GRAMD1C: variants seen among roughly 807,000 people sequenced by gnomAD.
GRAMD1C encodes the protein GRAM domain containing 1C, also known as protein Aster-C.
GRAMD1C carries 89 observed loss-of-function variants against 97.8 expected under a neutral mutation model. That is an observed-to-expected ratio of 0.91 (90% confidence interval 0.77 to 1.09). The LOEUF is 1.09. GRAMD1C is among the 50% of genes least tolerant of loss of function. The pLI, the probability that GRAMD1C is intolerant of heterozygous loss-of-function variation, is 0.00. For missense variants in GRAMD1C, 740 were observed against 766.4 expected, an observed-to-expected ratio of 0.97 and a Z score of 0.41; for synonymous variants, 256 against 267.0, an observed-to-expected ratio of 0.96 and a Z score of 0.40.
chr3:113,919,149 G>C (rs1050136414), intron 10 of GRAMD1C: 1 of 234,294 alleles, frequency 4.3e-6, no homozygotes, highest in African/African-American at 2.3e-5. Context: ...GTGCTGAGCA[G>C]AAGGAGCTGG....
At chr3:113,898,480 C>G (rs1485713589) in intron 6 of GRAMD1C, among the ~76,000 whole-genome samples, 1 of 152,024 alleles carries the variant, frequency 6.6e-6, no homozygotes, top group Non-Finnish European at 1.5e-5. Flanking sequence ...AAGTTCACAA[C>G]AAATGACTCA....
chr3:113,852,306 A>G (rs1268641892), intron 2 of GRAMD1C, among the ~76,000 whole-genome samples: 2 of 152,196 alleles, frequency 1.3e-5, no homozygotes, highest in Non-Finnish European at 2.9e-5. Flanking sequence ...CTTATAAAGG[A>G]TATTTCAGAT....
chr3:113,880,415 C>T (rs566553394), intron 5 of GRAMD1C, among the ~76,000 whole-genome samples: 1 of 151,470 alleles, frequency 6.6e-6, no homozygotes, highest in South Asian at 2.1e-4. Context: ...TTCGGCTCTC[C>T]TTTTTTTTAA....
intron 3 of GRAMD1C, among the ~76,000 whole-genome samples, chr3:113,873,512 G>A (rs1444658230): frequency 6.6e-6 from 1 of 151,480 alleles, no homozygotes; most frequent in Non-Finnish European, 1.5e-5. Context: ...AGCACTATGT[G>A]TTTTTTATTT....
chr3:113,875,538 C>T lies in GRAMD1C; in HGVS notation c.314C>T (p.Ser105Leu). 6.4e-7 allele frequency: 1 copy of T among 1,556,674 alleles called. No homozygotes were observed. Among genetic ancestry groups the T allele is most frequent in the Non-Finnish European group, 8.9e-7 (1 of 1,126,904 alleles). ...DILLQGRLYL[S>L]ENWLCFYSNI... is the part of the protein sequence containing the mutation. The stretch of plus-strand genomic sequence containing the variant: ...TTGCTTCAGGGACGACTATACCTTT[C>T]AGAAAACTGGCTATGTTTCTATAGC... The change falls in exon 4 of 18, where the codon TCA (serine) becomes TTA (leucine). Residue 105 changes from serine to leucine, a missense_variant. Ser to Leu is a moderately radical substitution (Grantham distance 145). Coordinates refer to ENST00000358160, the MANE Select transcript of GRAMD1C (RefSeq NM_017577.5).
intron 5 of GRAMD1C, among the ~76,000 whole-genome samples, chr3:113,877,955 T>A (rs567555163): frequency 5.8e-4 from 89 of 152,242 alleles, no homozygotes; most frequent in African/African-American, 2.0e-3. Context: ...TCTTTTTGTA[T>A]TTTTAGTAGA....
chr3:113,838,570 C>G (rs1184483749), upstream of GRAMD1C: 1 of 244,452 alleles, frequency 4.1e-6, no homozygotes, highest in African/African-American at 2.4e-5. Context: ...AGCGAAACTC[C>G]GTCTCAAAAA....
intron 17 of GRAMD1C, among the ~76,000 whole-genome samples, chr3:113,942,979 G>C (rs756700055): frequency 6.6e-6 from 1 of 152,152 alleles, no homozygotes; most frequent in African/African-American, 2.4e-5. Context: ...CTGCTTTCCA[G>C]TTTCCAAAGT....
At chr3:113,842,190 T>G (rs1196141619) in intron 1 of GRAMD1C, among the ~76,000 whole-genome samples, 1 of 152,224 alleles carries the variant, frequency 6.6e-6, no homozygotes, top group Admixed American at 6.5e-5. Context: ...TTGTTGTCTA[T>G]TTTATGTTGA....
At chr3:113,927,317 G>A (rs183739743) in intron 10 of GRAMD1C, among the ~76,000 whole-genome samples, 3 of 152,254 alleles carry the variant, frequency 2.0e-5, no homozygotes, top group Admixed American at 2.0e-4. Context: ...CCCTTTGACT[G>A]GCTCTGTGCC....
At chr3:113,903,139 A>AT (rs201449989) in intron 7 of GRAMD1C, among the ~76,000 whole-genome samples, 38,075 of 135,738 alleles carry the variant, frequency 0.28, 5,717 homozygotes, top group East Asian at 0.43. Flanking sequence ...TAATTTTTGC[A>AT]TTTTTTTTTT....
At chr3:113,832,035 C>CTTTTTTTTTTTTTTTTTTTT (rs1559769031) in intron 1 of GRAMD1C, among the ~76,000 whole-genome samples, 1 of 146,496 alleles carries the variant, frequency 6.8e-6, no homozygotes, top group African/African-American at 2.8e-5. Context: ...AATGCAGCAA[C>CTTTTTTTTTTTTTTTTTTTT]TTTGTTTTTT....
chr3:113,870,819 ATTT>A (rs558065664), intron 3 of GRAMD1C, among the ~76,000 whole-genome samples: 1 of 143,566 alleles, frequency 7.0e-6, no homozygotes. Context: ...ATTTATAAGA[ATTT>A]TTTTTTTTTT....
At chr3:113,902,663 T>A (rs897978394) in intron 7 of GRAMD1C, among the ~76,000 whole-genome samples, 25 of 152,232 alleles carry the variant, frequency 1.6e-4, no homozygotes, top group Non-Finnish European at 3.2e-4. Context: ...TTTTTCTTTT[T>A]TGAGACTGAG....
At chr3:113,901,781 G>T (rs1265133953) in intron 7 of GRAMD1C, among the ~76,000 whole-genome samples, 3 of 152,100 alleles carry the variant, frequency 2.0e-5, no homozygotes, top group Non-Finnish European at 4.4e-5. Context: ...GGAAATTGAG[G>T]CTGTTAGCAA....
At chr3:113,876,519 C>T (rs1935040947) in intron 5 of GRAMD1C, among the ~76,000 whole-genome samples, 1 of 152,098 alleles carries the variant, frequency 6.6e-6, no homozygotes, top group South Asian at 2.1e-4. Context: ...GCACAATGTC[C>T]TTATTTCTAA....
chr3:113,848,933 A>C (rs1259086872), intron 2 of GRAMD1C, among the ~76,000 whole-genome samples: 1 of 152,348 alleles, frequency 6.6e-6, no homozygotes, highest in Non-Finnish European at 1.5e-5. Context: ...ATAATGGCAA[A>C]TATTTATGCT....
At chr3:113,922,491 T>C (rs1223734924) in intron 10 of GRAMD1C, among the ~76,000 whole-genome samples, 4 of 152,254 alleles carry the variant, frequency 2.6e-5, no homozygotes, top group African/African-American at 7.2e-5. Flanking sequence ...ATCTTCTGCA[T>C]ATGGCTAGCC....
At chr3:113,878,472 C>T (rs1935133395) in intron 5 of GRAMD1C, among the ~76,000 whole-genome samples, 1 of 152,044 alleles carries the variant, frequency 6.6e-6, no homozygotes, top group African/African-American at 2.4e-5. Flanking sequence ...GTTTTCAAAC[C>T]CTTTAAGGGG....
Sources: gnomAD v4.1 joint callset for allele counts (sites outside exome capture counted in the v4.1 genomes callset) on GRCh38, gnomAD v4.1.1 for gene constraint, MANE v1.5 for transcripts, NCBI Gene and HGNC (gene_info 2026-07-23, HGNC 2026-07-21) for gene names.